Variants in SOX5 observed in about 807,000 individuals in gnomAD.
The protein encoded by SOX5 is SRY-box transcription factor 5.
SOX5 carries 9 observed loss-of-function variants against 92.0 expected under a neutral mutation model. The ratio of observed to expected loss-of-function variants is 0.10; its 90% CI spans 0.06 to 0.17. The LOEUF is 0.17. Ranked by LOEUF, SOX5 falls within the 10% of genes least tolerant of loss-of-function variation. SOX5 has a pLI of 1.00. For synonymous variants in SOX5, 344 were observed against 336.3 expected (o/e 1.02, Z -0.25); for missense variants, 642 against 944.5 (o/e 0.68, Z 4.20).
chr12:23,729,230 T>TG (rs2093295094), intron 6 of SOX5, among the ~76,000 whole-genome samples: 1 of 152,168 alleles, frequency 6.6e-6, no homozygotes, highest in African/African-American at 2.4e-5. Flanking sequence ...ATATTTCCTT[T>TG]TTTATAGATT....
chr12:24,491,150 G>A (rs989403110), intron 1 of SOX5, among the ~76,000 whole-genome samples: 19 of 152,114 alleles, frequency 1.2e-4, no homozygotes, highest in African/African-American at 4.6e-4. Flanking sequence ...TGTGCTTGGA[G>A]TGAAGGGCCT....
chr12:24,114,633 T>G (rs1565464484), intron 4 of SOX5, among the ~76,000 whole-genome samples: 1 of 142,226 alleles, frequency 7.0e-6, no homozygotes, highest in African/African-American at 2.6e-5. Flanking sequence ...AATATTGAAT[T>G]TATAAAATAG....
At chr12:23,534,576 G>A (rs919304272) in intron 14 of SOX5, 54 bp from the exon 15 acceptor site, 63 of 1,406,048 alleles carry the variant, frequency 4.5e-5, no homozygotes, top group Non-Finnish European at 9.8e-6. Context: ...ATAGTTAGAT[G>A]TGGACTTTAC....
chr12:23,644,377 G>T (rs1384067439), intron 7 of SOX5, among the ~76,000 whole-genome samples: 1 of 152,176 alleles, frequency 6.6e-6, no homozygotes, highest in Non-Finnish European at 1.5e-5. Context: ...ACCCAGCATG[G>T]CTGTGTCCAA....
At chr12:23,993,544 A>T (rs1322276217) in intron 4 of SOX5, among the ~76,000 whole-genome samples, 3 of 152,102 alleles carry the variant, frequency 2.0e-5, no homozygotes, top group Non-Finnish European at 4.4e-5. Context: ...TCTCCCAGAT[A>T]CCTCTGTGGT....
At chr12:23,977,645 G>A (rs915119496) in intron 4 of SOX5, among the ~76,000 whole-genome samples, 2 of 141,974 alleles carry the variant, frequency 1.4e-5, no homozygotes, top group Admixed American at 7.4e-5. Context: ...CCGCCTGGTC[G>A]AGAGTCTCGT....
chr12:24,514,163 G>A (rs978824001), intron 1 of SOX5, among the ~76,000 whole-genome samples: 2 of 152,108 alleles, frequency 1.3e-5, no homozygotes, highest in Non-Finnish European at 2.9e-5. Context: ...TCAAATCACT[G>A]GCTTGTTACA....
intron 2 of SOX5, among the ~76,000 whole-genome samples, chr12:24,312,143 A>G (rs1406761695): frequency 2.0e-5 from 3 of 152,202 alleles, no homozygotes; most frequent in Non-Finnish European, 4.4e-5. Flanking sequence ...CCCACTGATG[A>G]CAAATATGTG....
rs149135084 is a variant in SOX5 at position 24,042,947 on chromosome 12, T to C, written c.-1-146923A>G. 3.6e-3 allele frequency among the ~76,000 whole-genome samples: 553 copies of C among 152,322 alleles called. 4 individuals carry two copies. The highest frequency in any genetic ancestry group is 6.6e-3 in the Non-Finnish European group (446 of 67,986). On this transcript the variant is annotated intron_variant, in intron 4 of 4. Coordinates refer to the SOX5 transcript ENST00000446891. ...CAGCAAACATTTCTCAAAGAATGTATTGTTTAATATTTACCAAAGTTTGTT... is the reference window on the plus strand; with the variant it reads ...CAGCAAACATTTCTCAAAGAATGTACTGTTTAATATTTACCAAAGTTTGTT...
Position 23,546,862 on chromosome 12 carries a change from G to C in SOX5, c.1489-438C>G, listed in dbSNP as rs146641340. Reference sequence around the variant, plus strand: ...CCAAATAATAGAAACATAATTCACAGTAGTGCCCTCTGGTTGCCATCTTCC... The same window carrying C: ...CCAAATAATAGAAACATAATTCACACTAGTGCCCTCTGGTTGCCATCTTCC... On this transcript the variant is annotated intron_variant, in intron 11 of 14. Coordinates refer to ENST00000451604, the MANE Select transcript of SOX5 (RefSeq NM_006940.6). Among the ~76,000 whole-genome samples the C allele has an allele frequency of 1.6e-3, 250 of 152,244 alleles. 1 individual carries two copies. The highest frequency in any genetic ancestry group is 5.7e-3 in the African/African-American group (237 of 41,552).
chr12:24,291,860 G>C (rs1418869518), intron 2 of SOX5, among the ~76,000 whole-genome samples: 1 of 152,166 alleles, frequency 6.6e-6, no homozygotes, highest in Non-Finnish European at 1.5e-5. Context: ...GACATGTATT[G>C]AGTGTTGCCT....
chr12:24,056,101 C>T (rs1478133808), intron 4 of SOX5, among the ~76,000 whole-genome samples: 1 of 152,098 alleles, frequency 6.6e-6, no homozygotes, highest in Non-Finnish European at 1.5e-5. Flanking sequence ...ACACTGAATT[C>T]AAGTACTAGT....
chr12:24,440,594 T>TTGTGTGTGTGTGTGTGTGTGTGTG (rs56082162), intron 1 of SOX5, among the ~76,000 whole-genome samples: 1 of 139,632 alleles, frequency 7.2e-6, no homozygotes, highest in Non-Finnish European at 1.5e-5. Flanking sequence ...ACATGATCCT[T>TTGTGTGTGTGTGTGTGTGTGTGTG]TGTGTGTGTG....
chr12:24,505,502 C>T (rs1256283961), intron 1 of SOX5, among the ~76,000 whole-genome samples: 5 of 152,024 alleles, frequency 3.3e-5, no homozygotes, highest in Non-Finnish European at 7.4e-5. Flanking sequence ...TGAATATGTC[C>T]ATATTTAGCC....
At chr12:24,101,290 T>C (rs1397501191) in intron 4 of SOX5, among the ~76,000 whole-genome samples, 9 of 152,170 alleles carry the variant, frequency 5.9e-5, no homozygotes, top group Non-Finnish European at 2.9e-5. Flanking sequence ...GGCAACACTA[T>C]GATCACGTCC....
In SOX5 at chr12:23,708,318, A is replaced by T. The variant is rs180792333; in HGVS notation, c.810+26366T>A. On this transcript the variant is annotated intron_variant, in intron 6 of 14. Transcript: ENST00000451604. ...CTATTCCAGGAAAAGGAATCCATAT[A>T]AAAAAAAAAACAAACACAGAGGCTA... Among the ~76,000 whole-genome samples, 65 of 146,214 alleles carry T rather than the reference A, an allele frequency of 4.4e-4. No individual in the cohort carries two copies. The East Asian group carries it at 9.1e-3, about 21-fold the overall frequency.
chr12:23,579,612 A>G (rs1261971939), intron 9 of SOX5, among the ~76,000 whole-genome samples: 1 of 152,150 alleles, frequency 6.6e-6, no homozygotes, highest in Admixed American at 6.5e-5. Context: ...ATGGACATGG[A>G]CAATTTATTT....
chr12:24,243,286 A>T (rs1354873242), intron 3 of SOX5, among the ~76,000 whole-genome samples: 1 of 152,142 alleles, frequency 6.6e-6, no homozygotes, highest in African/African-American at 2.4e-5. Flanking sequence ...CAATTTCTCT[A>T]TTTCCAGTTT....
At chr12:24,360,687 G>A (rs1955447122) in intron 2 of SOX5, among the ~76,000 whole-genome samples, 1 of 152,150 alleles carries the variant, frequency 6.6e-6, no homozygotes, top group African/African-American at 2.4e-5. Flanking sequence ...GATCTTAGTG[G>A]TTCATAGCGC....
Sources: gnomAD v4.1 joint callset for allele counts (sites outside exome capture counted in the v4.1 genomes callset) on GRCh38, gnomAD v4.1.1 for gene constraint, MANE v1.5 for transcripts, NCBI Gene and HGNC (gene_info 2026-07-23, HGNC 2026-07-21) for gene names.